WDR72: variants seen among roughly 807,000 people sequenced by gnomAD.
The protein encoded by WDR72 is WD repeat-containing protein 72.
WDR72 carries 120 observed loss-of-function variants against 124.2 expected under a neutral mutation model. The observed-to-expected ratio is 0.97, with a 90% CI of 0.83 to 1.12. The LOEUF is 1.12. WDR72 is among the 50% of genes most tolerant of loss of function. WDR72 has a pLI of 0.00. For missense variants in WDR72, 1,387 were observed against 1,278.8 expected (o/e 1.08, Z -1.29); for synonymous variants, 452 against 441.7 (o/e 1.02, Z -0.29).
Position 53,746,506 on chromosome 15 carries a change from T to C in WDR72, c.-13+13127A>G, listed in dbSNP as rs1225925366. Reference sequence around the variant, plus strand: ...ATAAACACTAAGAGGAAAGTAAATATAGTACAGCAGTGAATAATATGAGCT... The same window carrying C: ...ATAAACACTAAGAGGAAAGTAAATACAGTACAGCAGTGAATAATATGAGCT... On this transcript the variant is annotated intron_variant, in intron 1 of 19. Coordinates refer to ENST00000360509, the MANE Select transcript of WDR72 (RefSeq NM_182758.4). 2.0e-5 allele frequency among the ~76,000 whole-genome samples: 3 copies of C among 152,166 alleles called. No individual in the cohort carries two copies. In the East Asian group the frequency reaches 5.8e-4, roughly 29 times the overall value.
At chr15:53,679,289 T>C (rs1308925190) in intron 13 of WDR72, among the ~76,000 whole-genome samples, 1 of 152,198 alleles carries the variant, frequency 6.6e-6, no homozygotes, top group Non-Finnish European at 1.5e-5. Context: ...AACTGTACCC[T>C]TCAAAAAGCT....
intron 3 of WDR72, among the ~76,000 whole-genome samples, chr15:53,720,075 T>C (rs1480711930): frequency 6.6e-6 from 1 of 152,184 alleles, no homozygotes; most frequent in East Asian, 1.9e-4. Context: ...TTTATTCTAC[T>C]AATTTATTTT....
rs79151206 is a variant in WDR72 at position 53,530,868 on chromosome 15, A to C, written c.3149-7546T>G. ...AACTGTTAAATGGCACTAGCACTGGAATTTGTAAGAGCAGCAACCTTTCCA... is the reference window on the plus strand; with the variant it reads ...AACTGTTAAATGGCACTAGCACTGGCATTTGTAAGAGCAGCAACCTTTCCA... On this transcript the variant is annotated intron_variant, in intron 18 of 19. Coordinates refer to ENST00000360509, the MANE Select transcript of WDR72 (RefSeq NM_182758.4). Among the ~76,000 whole-genome samples the C allele has an allele frequency of 3.0e-4, 45 of 152,220 alleles. 1 individual carries two copies. In the East Asian group the frequency reaches 7.6e-3, roughly 26 times the overall value.
chr15:53,626,091 G>A (rs2014195417), intron 14 of WDR72, among the ~76,000 whole-genome samples: 1 of 152,076 alleles, frequency 6.6e-6, no homozygotes, highest in Non-Finnish European at 1.5e-5. Flanking sequence ...CTGTTACCGG[G>A]GGTCCTTGCT....
chr15:53,584,176 GA>G (rs556681074), intron 18 of WDR72, among the ~76,000 whole-genome samples: 22 of 152,034 alleles, frequency 1.4e-4, no homozygotes, highest in Non-Finnish European at 2.9e-4. Context: ...AAAAGGAGAT[GA>G]AAAATCGGAC....
intron 13 of WDR72, among the ~76,000 whole-genome samples, chr15:53,683,922 C>G (rs1282991204): frequency 6.6e-6 from 1 of 152,006 alleles, no homozygotes. Flanking sequence ...AGTTCTTAAC[C>G]TTTTTTACAC....
Position 53,665,603 on chromosome 15 carries a change from CAAGGT to C in WDR72, c.1926_1930del (p.Cys644TrpfsTer9). 6.2e-7 allele frequency: 1 copy of C among 1,613,844 alleles called. No homozygotes were observed. The highest frequency in any genetic ancestry group is 1.3e-5 in the African/African-American group (1 of 74,994). On this transcript the variant is annotated frameshift_variant, in exon 14 of 20. Coordinates refer to ENST00000360509, the MANE Select transcript of WDR72 (RefSeq NM_182758.4). LOFTEE classifies it high-confidence loss of function. Reference sequence around the variant, plus strand: ...TGAAGACTCCACCTGCAGACCAGGGCAAGGTAATGGCCCAAGCTGGTAGGGGCTGG... The same window carrying C: ...TGAAGACTCCACCTGCAGACCAGGGCAATGGCCCAAGCTGGTAGGGGCTGG...
At chr15:53,592,654 G>T (rs557912951) in intron 18 of WDR72, among the ~76,000 whole-genome samples, 5 of 152,186 alleles carry the variant, frequency 3.3e-5, no homozygotes, top group Admixed American at 6.5e-5. Context: ...GGTTTAGCAT[G>T]AAATTTAAAT....
intron 18 of WDR72, among the ~76,000 whole-genome samples, chr15:53,532,955 G>A (rs1336435553): frequency 6.6e-6 from 1 of 152,072 alleles, no homozygotes; most frequent in Non-Finnish European, 1.5e-5. Flanking sequence ...ATAACCCTAA[G>A]TATACGTAAT....
intron 6 of WDR72, 130 bp from the exon 7 acceptor site, chr15:53,713,021 T>C: frequency 9.7e-7 from 1 of 1,029,642 alleles, no homozygotes; most frequent in Admixed American, 2.4e-5. Flanking sequence ...AGTTACCTTT[T>C]GAGTGTTTTG....
chr15:53,646,022 T>C (rs1310975444), intron 14 of WDR72, among the ~76,000 whole-genome samples: 1 of 152,208 alleles, frequency 6.6e-6, no homozygotes, highest in African/African-American at 2.4e-5. Flanking sequence ...GACCCTATCT[T>C]ACAGGAATAA....
chr15:53,659,417 G>C (rs1324402728), intron 14 of WDR72, among the ~76,000 whole-genome samples: 2 of 152,192 alleles, frequency 1.3e-5, no homozygotes, highest in East Asian at 3.9e-4. Context: ...TTCTCCTTTT[G>C]TGCCTCTGAT....
chr15:53,737,204 T>A (rs756607256), intron 1 of WDR72, among the ~76,000 whole-genome samples: 21 of 152,150 alleles, frequency 1.4e-4, no homozygotes, highest in Middle Eastern at 3.2e-3. Context: ...CACAAGATGC[T>A]ACTGGACTAA....
intron 13 of WDR72, among the ~76,000 whole-genome samples, chr15:53,675,042 T>A (rs1469807470): frequency 1.3e-5 from 2 of 152,184 alleles, no homozygotes; most frequent in Admixed American, 6.5e-5. Flanking sequence ...AAACTAGGGT[T>A]TTCTTGATAA....
At chr15:53,678,143 T>C (rs2016244744) in intron 13 of WDR72, among the ~76,000 whole-genome samples, 2 of 152,314 alleles carry the variant, frequency 1.3e-5, no homozygotes, top group South Asian at 2.1e-4. Context: ...AAGAACTTTA[T>C]TGGCAAGACA....
At chr15:53,598,714 G>T (rs2012898231) in intron 17 of WDR72, among the ~76,000 whole-genome samples, 1 of 152,080 alleles carries the variant, frequency 6.6e-6, no homozygotes. Flanking sequence ...AGTGAAAAAA[G>T]GCTAAGGAAT....
chr15:53,740,186 G>A (rs186546513), intron 1 of WDR72, among the ~76,000 whole-genome samples: 25 of 152,100 alleles, frequency 1.6e-4, no homozygotes, highest in African/African-American at 5.8e-4. Context: ...CTGCATTGAT[G>A]TCTCCCTTAA....
rs967365026 is a variant in WDR72 at position 53,546,315 on chromosome 15, C to T, written c.3149-22993G>A. On this transcript the variant is annotated intron_variant, in intron 18 of 19. Transcript: ENST00000360509. ...TTAAGAAAATGTGGCACATATACAC[C>T]ATGGAATACTATGCAGCCATAAATA... Among the ~76,000 whole-genome samples the T allele has an allele frequency of 1.3e-5, 2 of 151,996 alleles. 1 individual carries two copies. The highest frequency in any genetic ancestry group is 4.2e-4 in the South Asian group (2 of 4,808).
intron 18 of WDR72, among the ~76,000 whole-genome samples, chr15:53,580,192 A>G (rs560839047): frequency 6.6e-6 from 1 of 152,234 alleles, no homozygotes; most frequent in East Asian, 1.9e-4. Flanking sequence ...ATATTCTTCA[A>G]CTACCTTGAA....
Sources: gnomAD v4.1 joint callset for allele counts (sites outside exome capture counted in the v4.1 genomes callset) on GRCh38, gnomAD v4.1.1 for gene constraint, MANE v1.5 for transcripts, NCBI Gene and HGNC (gene_info 2026-07-23, HGNC 2026-07-21) for gene names.